CERT1: variants seen among roughly 807,000 people sequenced by gnomAD.
CERT1 encodes ceramide transporter 1, also known as ceramide transfer protein.
A neutral mutation model predicts 87.9 loss-of-function variants in CERT1; 31 were observed. The observed-to-expected ratio is 0.35, with a 90% CI of 0.27 to 0.48. The LOEUF is 0.48. Among genes scored for constraint, CERT1 ranks in the 20% least tolerant of loss-of-function variants. CERT1 has a pLI of 0.99. For synonymous variants in CERT1, 289 were observed against 250.9 expected, an observed-to-expected ratio of 1.15 and a Z score of -1.44; for missense variants, 487 against 758.0, an observed-to-expected ratio of 0.64 and a Z score of 4.20.
At chr5:75,500,170 AG>A (rs1287608644) in intron 2 of CERT1, among the ~76,000 whole-genome samples, 1 of 152,192 alleles carries the variant, frequency 6.6e-6, no homozygotes, top group African/African-American at 2.4e-5. Context: ...CTCATGAAAC[AG>A]CTTCTCCCTC....
Position 75,379,255 on chromosome 5 carries a change from T to A in CERT1, c.*91A>T. 1.7e-6 allele frequency: 2 copies of A among 1,152,334 alleles called. No individual in the cohort carries two copies. The highest frequency in any genetic ancestry group is 2.5e-6 in the Non-Finnish European group (2 of 799,138). The allele number at this position is 1,152,334 out of a possible 1,614,324, so 71.4% of individuals were successfully genotyped here. ...GGGGAACATCAAAAAACATAGTAAA[T>A]ACTTTCAACAACTAAATTTTAGTAT... On this transcript the variant is annotated 3_prime_UTR_variant, in exon 17 of 17. Transcript: ENST00000643780.
In CERT1 at chr5:75,511,202, C is replaced by T. The variant is rs138699646; in HGVS notation, c.6G>A (p.Ser2=). The change falls in exon 1 of 17, where the codon TCG becomes TCA. Residue 2 remains serine, a synonymous_variant. Transcript: ENST00000643780. M[S]DNQSWNSSGS... is the part of the protein sequence containing the mutation. ...CCGACGAGTTCCAGCTCTGATTATC[C>T]GACATGGAGGCTCGACAACCGAGCA... is the stretch of plus-strand genomic sequence containing the variant. The T allele has an allele frequency of 1.3e-4, 214 of 1,613,076 alleles. 1 individual carries two copies. Among genetic ancestry groups the T allele is most frequent in the Admixed American group, 9.5e-4 (57 of 59,990 alleles).
At chr5:75,486,461 G>A (rs1766527660) in intron 2 of CERT1, among the ~76,000 whole-genome samples, 1 of 151,990 alleles carries the variant, frequency 6.6e-6, no homozygotes, top group South Asian at 2.1e-4. Context: ...CTTCACCATT[G>A]CTATTCAACA....
At chr5:75,388,599 C>CATATATATATATATATATATATAT (rs59799780) in intron 12 of CERT1, among the ~76,000 whole-genome samples, 8 of 91,850 alleles carry the variant, frequency 8.7e-5, no homozygotes, top group African/African-American at 1.0e-4. Context: ...AGCATGCATG[C>CATATATATATATATATATATATAT]ATATATATAT....
chr5:75,429,468 G>C (rs983743107), intron 3 of CERT1, among the ~76,000 whole-genome samples: 1 of 152,108 alleles, frequency 6.6e-6, no homozygotes, highest in Non-Finnish European at 1.5e-5. Context: ...TTCCCAAAGT[G>C]CTGGGCTTAT....
intron 3 of CERT1, among the ~76,000 whole-genome samples, chr5:75,427,796 T>C (rs1371248241): frequency 6.6e-6 from 1 of 152,236 alleles, no homozygotes; most frequent in African/African-American, 2.4e-5. Context: ...CCTGTAGGTT[T>C]AGTAAACATC....
chr5:75,477,927 G>A (rs1430775063), intron 2 of CERT1, among the ~76,000 whole-genome samples: 1 of 152,070 alleles, frequency 6.6e-6, no homozygotes, highest in Non-Finnish European at 1.5e-5. Flanking sequence ...TAAGACCTGT[G>A]GGTAAATATG....
In CERT1 at chr5:75,482,468, C is replaced by A. The variant is rs575288347; in HGVS notation, c.232-23287G>T. Among the ~76,000 whole-genome samples, 4 of 152,326 alleles carry A rather than the reference C, an allele frequency of 2.6e-5. No individual in the cohort carries two copies. The South Asian group carries it at 8.3e-4, about 32-fold the overall frequency. ...TAGCTTGCCACCCTAAAGGGAAGGA[C>A]ATAGCCTGGCTAAATTTGTCACCTA... is the stretch of plus-strand genomic sequence containing the variant. On this transcript the variant is annotated intron_variant, in intron 2 of 16. Coordinates refer to ENST00000643780, the MANE Select transcript of CERT1 (RefSeq NM_001379029.1).
At chr5:75,496,697 G>A (rs891613985) in intron 2 of CERT1, among the ~76,000 whole-genome samples, 2 of 152,136 alleles carry the variant, frequency 1.3e-5, no homozygotes, top group African/African-American at 4.8e-5. Context: ...AAGCATTATG[G>A]TAAGTTAAAA....
intron 3 of CERT1, among the ~76,000 whole-genome samples, chr5:75,440,312 G>A (rs532424119): frequency 5.0e-4 from 76 of 152,004 alleles, no homozygotes; most frequent in African/African-American, 1.7e-3. Flanking sequence ...ATATTTCAAT[G>A]GTCTAAAACC....
intron 5 of CERT1, among the ~76,000 whole-genome samples, chr5:75,420,237 C>T (rs1763313873): frequency 6.6e-6 from 1 of 152,062 alleles, no homozygotes; most frequent in African/African-American, 2.4e-5. Context: ...CTCGGCCTCC[C>T]AATGTGCTGG....
chr5:75,470,201 TG>T (rs1765645774), intron 2 of CERT1, among the ~76,000 whole-genome samples: 1 of 152,162 alleles, frequency 6.6e-6, no homozygotes, highest in African/African-American at 2.4e-5. Context: ...CTGGACCAAA[TG>T]GGCCTAACAC....
chr5:75,502,452 A>T (rs1767419181), intron 2 of CERT1, among the ~76,000 whole-genome samples: 1 of 152,164 alleles, frequency 6.6e-6, no homozygotes, highest in Non-Finnish European at 1.5e-5. Context: ...AAAATTAGGC[A>T]TGATTTAAAT....
At position 75,511,278 on chromosome 5, in the gene CERT1, CG is replaced by C; in HGVS notation, c.-72del. On this transcript the variant is annotated 5_prime_UTR_variant, in exon 1 of 17. Coordinates refer to ENST00000643780, the MANE Select transcript of CERT1 (RefSeq NM_001379029.1). ...TGCGCCGGAGGAGGCGCCCAGTCCTCGGGGTGAAGGGTCGGGGGATGGCGAA... is the reference window on the plus strand; with the variant it reads ...TGCGCCGGAGGAGGCGCCCAGTCCTCGGGTGAAGGGTCGGGGGATGGCGAA... 17 of 1,584,004 alleles carry C rather than the reference CG, an allele frequency of 1.1e-5. 1 individual carries two copies. In the South Asian group the frequency reaches 1.9e-4, roughly 18 times the overall value.
chr5:75,397,111 C>G (rs537587156), intron 11 of CERT1, among the ~76,000 whole-genome samples: 1 of 152,166 alleles, frequency 6.6e-6, no homozygotes, highest in South Asian at 2.1e-4. Context: ...TATAAAGGAA[C>G]TGCTGAACAT....
At chr5:75,461,935 T>C (rs944368843) in intron 2 of CERT1, among the ~76,000 whole-genome samples, 9 of 152,256 alleles carry the variant, frequency 5.9e-5, no homozygotes, top group East Asian at 5.8e-4. Context: ...CACACACATA[T>C]GTGCCCCAAA....
At chr5:75,497,446 G>A (rs2112447865) in intron 2 of CERT1, among the ~76,000 whole-genome samples, 1 of 152,222 alleles carries the variant, frequency 6.6e-6, no homozygotes, top group East Asian at 1.9e-4. Flanking sequence ...GAGAAATTTA[G>A]TAATCTGCCA....
intron 3 of CERT1, among the ~76,000 whole-genome samples, chr5:75,442,198 C>T (rs1020001427): frequency 4.6e-5 from 7 of 152,160 alleles, no homozygotes; most frequent in African/African-American, 1.4e-4. Flanking sequence ...ATTTTTATTT[C>T]TTCATACAAC....
intron 7 of CERT1, among the ~76,000 whole-genome samples, chr5:75,412,558 T>G (rs983019787): frequency 6.6e-6 from 1 of 152,216 alleles, no homozygotes; most frequent in Non-Finnish European, 1.5e-5. Context: ...AATTCTTGTA[T>G]AAACATCATA....
Sources: gnomAD v4.1 joint callset for allele counts (sites outside exome capture counted in the v4.1 genomes callset) on GRCh38, gnomAD v4.1.1 for gene constraint, MANE v1.5 for transcripts, NCBI Gene and HGNC (gene_info 2026-07-23, HGNC 2026-07-21) for gene names.